The following FYB2 variants were observed in gnomAD, a reference collection of about 807,000 sequenced individuals.
FYB2 encodes FYN binding protein 2, also known as FYN-binding protein 2.
A neutral mutation model predicts 94.1 loss-of-function variants in FYB2; 103 were observed. The ratio of observed to expected loss-of-function variants is 1.09; its 90% CI spans 0.93 to 1.29. The LOEUF is 1.29. FYB2 is among the 50% of genes most tolerant of loss of function. The probability of loss-of-function intolerance (pLI) is 0.00; values close to 1 mark genes in which losing one functional copy is unlikely to be tolerated. For missense variants in FYB2, 896 were observed against 841.5 expected, an observed-to-expected ratio of 1.06 and a Z score of -0.80; for synonymous variants, 293 against 287.9, an observed-to-expected ratio of 1.02 and a Z score of -0.18.
chr1:56,740,735 T>A lies in FYB2; in HGVS notation c.1665A>T (p.Arg555Ser). The A allele has an allele frequency of 6.2e-7, 1 of 1,608,096 alleles. No homozygotes were observed. The highest frequency in any genetic ancestry group is 1.1e-5 in the South Asian group (1 of 90,282). ...TCGACTTGGTTTTCTTTATTTTAAA[T>A]CTATCCTTTTCTTTCTTGAAGAATT... Reference protein sequence around the residue: ...LQQFFKKEKDRFKIKKTKSKE... With the variant: ...LQQFFKKEKDSFKIKKTKSKE... Residue 555 changes from arginine to serine, a missense_variant, in exon 13 of 20, where the codon AGA (arginine) becomes AGT (serine). Transcript: ENST00000343433.
intron 1 of FYB2, among the ~76,000 whole-genome samples, chr1:56,817,697 G>A (rs1461748294): frequency 6.6e-6 from 1 of 151,932 alleles, no homozygotes; most frequent in Non-Finnish European, 1.5e-5. Context: ...CTTTCAAGAT[G>A]AGAAACCACT....
chr1:56,794,697 C>T (rs138423238), intron 1 of FYB2, among the ~76,000 whole-genome samples: 499 of 152,152 alleles, frequency 3.3e-3, no homozygotes, highest in African/African-American at 0.012. Context: ...CACAGGCACA[C>T]GCACACACAT....
chr1:56,770,054 A>C (rs1379837124), intron 4 of FYB2, among the ~76,000 whole-genome samples: 1 of 152,180 alleles, frequency 6.6e-6, no homozygotes. Context: ...GGTACACACG[A>C]ATGCGTATAC....
intron 9 of FYB2, among the ~76,000 whole-genome samples, chr1:56,747,010 G>GAGA (rs1645082520): frequency 6.6e-6 from 1 of 151,796 alleles, no homozygotes; most frequent in South Asian, 2.1e-4. Flanking sequence ...AATTTTCATA[G>GAGA]TGTATTTGCC....
intron 2 of FYB2, among the ~76,000 whole-genome samples, chr1:56,791,148 G>A (rs1046283884): frequency 4.6e-5 from 7 of 152,036 alleles, no homozygotes; most frequent in Non-Finnish European, 1.0e-4. Context: ...CATCCATCCA[G>A]CCTTCCATCC....
chr1:56,821,742 TC>T (rs1302399357), upstream of FYB2, among the ~76,000 whole-genome samples: 1 of 152,204 alleles, frequency 6.6e-6, no homozygotes, highest in Non-Finnish European at 1.5e-5. Context: ...TCATTTTATT[TC>T]CCTGTAATAA....
intron 1 of FYB2, among the ~76,000 whole-genome samples, chr1:56,815,631 C>T (rs573013334): frequency 6.6e-6 from 1 of 152,334 alleles, no homozygotes; most frequent in South Asian, 2.1e-4. Flanking sequence ...TTGGCATTTT[C>T]TGCCTCTGTG....
intron 1 of FYB2, among the ~76,000 whole-genome samples, chr1:56,814,324 T>C (rs1646833102): frequency 6.6e-6 from 1 of 152,196 alleles, no homozygotes; most frequent in Admixed American, 6.5e-5. Flanking sequence ...GGAGAAAATC[T>C]GGCAGTAGAC....
chr1:56,746,468 A>G (rs985480636), intron 9 of FYB2, among the ~76,000 whole-genome samples: 2 of 151,718 alleles, frequency 1.3e-5, no homozygotes, highest in Non-Finnish European at 2.9e-5. Context: ...TTATCTTTTA[A>G]TAGTTACCCA....
At chr1:56,810,876 A>G (rs1646751930) in intron 1 of FYB2, among the ~76,000 whole-genome samples, 2 of 152,198 alleles carry the variant, frequency 1.3e-5, no homozygotes, top group South Asian at 4.1e-4. Context: ...TATTTGGAAT[A>G]CATTGCCCCT....
intron 5 of FYB2, chr1:56,762,087 G>A (rs902654112): frequency 5.3e-5 from 8 of 152,064 alleles, no homozygotes; most frequent in Middle Eastern, 3.4e-3. Flanking sequence ...CTGTTCCATT[G>A]TTCTACGTGT....
intron 5 of FYB2, among the ~76,000 whole-genome samples, chr1:56,760,415 A>G (rs890590246): frequency 5.3e-5 from 8 of 152,214 alleles, no homozygotes; most frequent in African/African-American, 1.9e-4. Flanking sequence ...TTGTTGACAC[A>G]GACCTAAAAT....
At chr1:56,768,810 A>G (rs1453120701) in intron 4 of FYB2, among the ~76,000 whole-genome samples, 1 of 152,168 alleles carries the variant, frequency 6.6e-6, no homozygotes, top group African/African-American at 2.4e-5. Flanking sequence ...GAATAACATG[A>G]ACGTTAATTT....
chr1:56,787,177 C>T lies in FYB2; in HGVS notation c.951G>A (p.Glu317=). The change falls in exon 4 of 20, where the codon GAG becomes GAA. Residue 317 remains glutamate (E), a splice_region_variant and synonymous_variant. Transcript: ENST00000343433. ...ACAACTAAGGAGCATGTACTTACCT[C>T]TCTGGAGACAGGGAGCCCTCTTCCA... The part of the protein sequence containing the change: ...VTVEEGSLSP[E]RLFNAEFEEP... 1 of 1,613,962 alleles carries T rather than the reference C, an allele frequency of 6.2e-7. No homozygotes were observed.
chr1:56,811,822 A>C (rs1646775396), intron 1 of FYB2, among the ~76,000 whole-genome samples: 1 of 152,224 alleles, frequency 6.6e-6, no homozygotes, highest in Non-Finnish European at 1.5e-5. Context: ...TTTTTTTAAA[A>C]GGGTGTGGAA....
intron 4 of FYB2, among the ~76,000 whole-genome samples, chr1:56,771,965 GTTTTC>G (rs898717967): frequency 7.9e-5 from 12 of 151,630 alleles, no homozygotes; most frequent in African/African-American, 2.4e-4. Flanking sequence ...ATATTTTCTA[GTTTTC>G]TTTTGTGTAT....
chr1:56,763,752 C>T (rs901965852), intron 5 of FYB2, among the ~76,000 whole-genome samples: 3 of 151,924 alleles, frequency 2.0e-5, no homozygotes, highest in South Asian at 4.2e-4. Flanking sequence ...AAGAACACAT[C>T]TTTAATTCCA....
At chr1:56,721,304 C>G (rs1644480589) in intron 17 of FYB2, among the ~76,000 whole-genome samples, 1 of 151,942 alleles carries the variant, frequency 6.6e-6, no homozygotes, top group South Asian at 2.1e-4. Flanking sequence ...TCCTTTTGCC[C>G]AGGGTATTGT....
At chr1:56,800,657 C>T (rs969906906) in intron 1 of FYB2, among the ~76,000 whole-genome samples, 1 of 152,114 alleles carries the variant, frequency 6.6e-6, no homozygotes, top group African/African-American at 2.4e-5. Context: ...ATAATACTCA[C>T]CACATGGGGT....
Sources: gnomAD v4.1 joint callset for allele counts (sites outside exome capture counted in the v4.1 genomes callset) on GRCh38, gnomAD v4.1.1 for gene constraint, MANE v1.5 for transcripts, NCBI Gene and HGNC (gene_info 2026-07-23, HGNC 2026-07-21) for gene names.